Variants in SLC26A8 observed in about 807,000 individuals in gnomAD.
SLC26A8 encodes the protein testis anion transporter 1.
SLC26A8 carries 70 observed loss-of-function variants against 105.0 expected under a neutral mutation model. The observed-to-expected ratio is 0.67, with a 90% CI of 0.55 to 0.81. The LOEUF is 0.81. Ranked by LOEUF, SLC26A8 falls within the 40% of genes least tolerant of loss-of-function variation. SLC26A8 has a pLI of 0.00. For missense variants in SLC26A8, 998 were observed against 1,181.8 expected, an observed-to-expected ratio of 0.84 and a Z score of 2.28; for synonymous variants, 415 against 438.3, an observed-to-expected ratio of 0.95 and a Z score of 0.66.
At position 35,959,572 on chromosome 6, in the gene SLC26A8, G is replaced by A. The variant is rs1772228935; in HGVS notation, c.1751C>T (p.Pro584Leu). 6.2e-7 allele frequency: 1 copy of A among 1,613,642 alleles called. No homozygotes were observed. The highest frequency in any genetic ancestry group is 1.7e-4 in the Middle Eastern group (1 of 6,060). The change falls in exon 16 of 20, where the codon CCT (proline) becomes CTT (leucine). Residue 584 changes from proline (P) to leucine (L), a missense_variant. Coordinates refer to ENST00000490799, the MANE Select transcript of SLC26A8 (RefSeq NM_052961.4). ...LLKEVDMVKV[P>L]LKEEEIFSLF... ...GCTGAAAATTTCTTCTTCTTTAAGA[G>A]GCACCTTTACCATATCAACCTGAAA...
At chr6:35,996,392 CA>C (rs776504814) in intron 5 of SLC26A8, among the ~76,000 whole-genome samples, 15 of 152,166 alleles carry the variant, frequency 9.9e-5, no homozygotes, top group Non-Finnish European at 2.1e-4. Context: ...AAATTAAAGA[CA>C]GAGCCAAAAT....
intron 17 of SLC26A8, among the ~76,000 whole-genome samples, chr6:35,954,618 T>C (rs1771987073): frequency 6.6e-6 from 1 of 152,180 alleles, no homozygotes; most frequent in African/African-American, 2.4e-5. Flanking sequence ...GTTTTATGCT[T>C]ACCAAACCAA....
chr6:35,971,650 A>G (rs1772800777), intron 10 of SLC26A8, among the ~76,000 whole-genome samples: 1 of 152,178 alleles, frequency 6.6e-6, no homozygotes, highest in South Asian at 2.1e-4. Context: ...AACCTCAGAG[A>G]GCAAAATTAA....
chr6:35,978,231 A>G (rs565060957), intron 8 of SLC26A8, among the ~76,000 whole-genome samples: 55 of 150,728 alleles, frequency 3.6e-4, no homozygotes, highest in Non-Finnish European at 4.0e-4. Flanking sequence ...AAGTCAATAT[A>G]TAAAAGGATA....
intron 7 of SLC26A8, among the ~76,000 whole-genome samples, chr6:35,988,073 G>C (rs181070351): frequency 6.6e-6 from 1 of 151,960 alleles, no homozygotes; most frequent in Non-Finnish European, 1.5e-5. Context: ...ACCATGCCCG[G>C]CTAATTTTTG....
At chr6:35,968,609 G>GTGTGTGTGTGTGTGTGTATA (rs1168496588) in intron 11 of SLC26A8, among the ~76,000 whole-genome samples, 1 of 60,074 alleles carries the variant, frequency 1.7e-5, no homozygotes, top group African/African-American at 5.2e-5. Flanking sequence ...GTGTGTGTGT[G>GTGTGTGTGTGTGTGTGTATA]TATATATATA....
intron 11 of SLC26A8, among the ~76,000 whole-genome samples, chr6:35,964,582 G>A (rs1433373902): frequency 6.6e-6 from 1 of 152,010 alleles, no homozygotes; most frequent in Non-Finnish European, 1.5e-5. Flanking sequence ...GGGAGGCAGA[G>A]GTTTCAGTGA....
intron 12 of SLC26A8, among the ~76,000 whole-genome samples, chr6:35,961,604 A>G (rs1209423279): frequency 6.6e-6 from 1 of 152,102 alleles, no homozygotes; most frequent in Non-Finnish European, 1.5e-5. Context: ...TCTATACTCA[A>G]TGTTTCCTCA....
At chr6:36,019,226 G>A (rs1581703329) in intron 2 of SLC26A8, among the ~76,000 whole-genome samples, 1 of 152,104 alleles carries the variant, frequency 6.6e-6, no homozygotes, top group Non-Finnish European at 1.5e-5. Context: ...GCGTCTTGCT[G>A]GCTATCTTAT....
chr6:35,993,788 G>T (rs376696600), intron 5 of SLC26A8, among the ~76,000 whole-genome samples: 2 of 152,124 alleles, frequency 1.3e-5, no homozygotes, highest in African/African-American at 4.8e-5. Context: ...CACTTTGGGA[G>T]GCTCAAGTGG....
rs1490330073 is a variant in SLC26A8 at position 36,024,589 on chromosome 6, G to C, written c.-88C>G. Reference sequence around the variant, plus strand: ...TGGCGGCGCTGCGGACGCGGATACCGGCGGCGGTTCCCGAGCCGTTGTGGC... The same window carrying C: ...TGGCGGCGCTGCGGACGCGGATACCCGCGGCGGTTCCCGAGCCGTTGTGGC... On this transcript the variant is annotated 5_prime_UTR_variant, in exon 1 of 20. Coordinates refer to ENST00000490799, the MANE Select transcript of SLC26A8 (RefSeq NM_052961.4). 2 of 371,262 alleles carry C rather than the reference G, an allele frequency of 5.4e-6. No individual in the cohort carries two copies. Among genetic ancestry groups the C allele is most frequent in the East Asian group, 7.8e-5 (1 of 12,786 alleles). The allele number at this position is 371,262 out of a possible 1,614,324, so 23.0% of individuals were successfully genotyped here.
At chr6:36,022,642 T>C (rs1180068300) in intron 1 of SLC26A8, among the ~76,000 whole-genome samples, 1 of 152,096 alleles carries the variant, frequency 6.6e-6, no homozygotes, top group East Asian at 1.9e-4. Flanking sequence ...ACAGTGAGGA[T>C]GGCTAGGAGG....
chr6:36,022,766 C>T (rs1295673982), intron 1 of SLC26A8, among the ~76,000 whole-genome samples: 1 of 151,850 alleles, frequency 6.6e-6, no homozygotes, highest in Non-Finnish European at 1.5e-5. Flanking sequence ...TGGAATTTCT[C>T]CAGCTCCATT....
At chr6:36,015,058 G>C (rs1761958263) in intron 2 of SLC26A8, among the ~76,000 whole-genome samples, 3 of 151,348 alleles carry the variant, frequency 2.0e-5, no homozygotes, top group African/African-American at 7.3e-5. Flanking sequence ...AGGCTGAAAA[G>C]CAGCAGGACT....
In SLC26A8 at chr6:35,957,513, A is replaced by T. The variant is rs373191731; in HGVS notation, c.1863+1947T>A. On this transcript the variant is annotated intron_variant, in intron 16 of 19. Transcript: ENST00000490799. Reference sequence around the variant, plus strand: ...AGAGCTGTTCCCAAGGCTTGAGGTCACTGGGGCCAGGCATTTGGGGAACAG... The same window carrying T: ...AGAGCTGTTCCCAAGGCTTGAGGTCTCTGGGGCCAGGCATTTGGGGAACAG... Among the ~76,000 whole-genome samples, 233 of 152,110 alleles carry T rather than the reference A, an allele frequency of 1.5e-3. 2 individuals are homozygous for T. In the South Asian group the frequency reaches 0.024, roughly 16 times the overall value.
chr6:35,949,205 G>A (rs753239200), intron 19 of SLC26A8, among the ~76,000 whole-genome samples: 4 of 152,082 alleles, frequency 2.6e-5, no homozygotes, highest in Non-Finnish European at 5.9e-5. Flanking sequence ...AGGCTGGGGC[G>A]GGTAGATCAT....
rs1254257382 is a variant in SLC26A8 at position 35,955,436 on chromosome 6, T to C, written c.1948A>G (p.Met650Val). Residue 650 changes from methionine (M) to valine (V), a missense_variant, in exon 17 of 20, where the codon ATG becomes GTG. Met to Val is a conservative substitution (Grantham distance 21). Transcript: ENST00000490799. ...TCGGATGCAGTTTGGCTTGTGTTCA[T>C]GCTCTCAAAATGTGAGCAGTGAATC... ...NLIHCSHFES[M>V]NTSQTASEDQ... The C allele has an allele frequency of 6.2e-7, 1 of 1,614,248 alleles. No individual in the cohort carries two copies. The highest frequency in any genetic ancestry group is 8.5e-7 in the Non-Finnish European group (1 of 1,180,026).
intron 12 of SLC26A8, 70 bp downstream of exon 12, chr6:35,962,456 G>T: frequency 3.2e-6 from 4 of 1,266,042 alleles, no homozygotes; most frequent in Non-Finnish European, 4.6e-6. Context: ...GATCTCTTTT[G>T]TTTGTTCTTT....
chr6:35,944,951 G>A (rs1255140470), intron 19 of SLC26A8, among the ~76,000 whole-genome samples: 1 of 152,092 alleles, frequency 6.6e-6, no homozygotes, highest in Non-Finnish European at 1.5e-5. Flanking sequence ...CCGAATTCAA[G>A]TGATTCTCTT....
Sources: gnomAD v4.1 joint callset for allele counts (sites outside exome capture counted in the v4.1 genomes callset) on GRCh38, gnomAD v4.1.1 for gene constraint, MANE v1.5 for transcripts, NCBI Gene and HGNC (gene_info 2026-07-23, HGNC 2026-07-21) for gene names.